The following FAF1 variants were observed in gnomAD, a reference collection of about 807,000 sequenced individuals.
The protein encoded by FAF1 is FAS-associated factor 1.
In FAF1, 25 loss-of-function variants were observed where a neutral mutation model predicts 92.5. That is an observed-to-expected ratio of 0.27 (90% CI 0.20 to 0.38). FAF1 has a LOEUF of 0.38. Ranked by LOEUF, FAF1 falls within the 10% of genes least tolerant of loss-of-function variation. The pLI is 1.00. For synonymous variants in FAF1, 234 were observed against 273.2 expected (o/e 0.86, Z 1.42); for missense variants, 636 against 793.3 (o/e 0.80, Z 2.38).
chr1:50,791,083 A>G (rs1661547001), intron 3 of FAF1, among the ~76,000 whole-genome samples: 1 of 152,198 alleles, frequency 6.6e-6, no homozygotes, highest in Non-Finnish European at 1.5e-5. Flanking sequence ...TACTCCAGTA[A>G]TCACTGATCC....
In FAF1 at chr1:50,530,063, A is replaced by T. The variant is rs975154949; in HGVS notation, c.1494+5306T>A. On this transcript the variant is annotated intron_variant, in intron 15 of 18. Transcript: ENST00000396153. ...AACACAGCCCTTTCTCCTTGAAGTT[A>T]CTTTTAAATATTAGAACTTTTATAA... Among the ~76,000 whole-genome samples, 3 of 152,114 alleles carry T rather than the reference A, an allele frequency of 2.0e-5. No homozygotes were observed. In the East Asian group the frequency reaches 5.8e-4, roughly 29 times the overall value.
chr1:50,729,568 G>A (rs563639502), intron 6 of FAF1, among the ~76,000 whole-genome samples: 4 of 151,392 alleles, frequency 2.6e-5, no homozygotes, highest in South Asian at 2.1e-4. Context: ...CACCATACCC[G>A]GCTAATTACT....
chr1:50,718,034 T>G (rs144909238), intron 6 of FAF1, among the ~76,000 whole-genome samples: 12 of 125,556 alleles, frequency 9.6e-5, no homozygotes, highest in South Asian at 5.0e-4. Flanking sequence ...TTTATTTATT[T>G]ATTGAGACGG....
At chr1:50,796,059 C>CAAA (rs1197014297) in intron 3 of FAF1, among the ~76,000 whole-genome samples, 2 of 147,998 alleles carry the variant, frequency 1.4e-5, no homozygotes, top group Admixed American at 1.3e-4. Flanking sequence ...ACAACAACAA[C>CAAA]AAAAAAAAAC....
intron 2 of FAF1, among the ~76,000 whole-genome samples, chr1:50,821,459 T>C (rs890867798): frequency 6.6e-6 from 1 of 152,200 alleles, no homozygotes; most frequent in East Asian, 1.9e-4. Flanking sequence ...ACCATTCTTA[T>C]TTCCCATGGG....
chr1:50,724,203 G>T (rs1332443238), intron 6 of FAF1, among the ~76,000 whole-genome samples: 1 of 143,322 alleles, frequency 7.0e-6, no homozygotes, highest in African/African-American at 2.6e-5. Context: ...ATGCCACCAC[G>T]CTACAGCCTG....
chr1:50,613,996 C>G (rs1420632111), intron 8 of FAF1, among the ~76,000 whole-genome samples: 1 of 151,892 alleles, frequency 6.6e-6, no homozygotes, highest in African/African-American at 2.4e-5. Flanking sequence ...ACTTGGGAGG[C>G]TGAGGCAGGA....
chr1:50,642,420 G>A (rs1240042564), intron 8 of FAF1, among the ~76,000 whole-genome samples: 2 of 152,150 alleles, frequency 1.3e-5, no homozygotes, highest in African/African-American at 2.4e-5. Context: ...GGAGGCCGAC[G>A]CGGGGGGATC....
intron 14 of FAF1, among the ~76,000 whole-genome samples, chr1:50,535,964 T>C (rs891730932): frequency 3.3e-5 from 5 of 152,180 alleles, no homozygotes; most frequent in African/African-American, 1.2e-4. Flanking sequence ...GCTGGTTAAG[T>C]GGTGAGGCCA....
At chr1:50,510,764 C>A (rs374570336) in intron 15 of FAF1, among the ~76,000 whole-genome samples, 1 of 152,100 alleles carries the variant, frequency 6.6e-6, no homozygotes, top group Non-Finnish European at 1.5e-5. Flanking sequence ...AAAAAGGTTT[C>A]TCTTTTTTTT....
chr1:50,697,944 C>A (rs144662449), intron 7 of FAF1, among the ~76,000 whole-genome samples: 2,957 of 152,228 alleles, frequency 0.019, 38 homozygotes, highest in Non-Finnish European at 0.032. Context: ...AACACTGAGT[C>A]ATACACAAGA....
At chr1:50,495,764 C>T (rs1646890622) in intron 15 of FAF1, among the ~76,000 whole-genome samples, 1 of 152,106 alleles carries the variant, frequency 6.6e-6, no homozygotes, top group Admixed American at 6.6e-5. Flanking sequence ...ACATCCTCTC[C>T]AGCATTTGTT....
chr1:50,572,660 T>C (rs1572842307), intron 12 of FAF1, among the ~76,000 whole-genome samples: 1 of 152,238 alleles, frequency 6.6e-6, no homozygotes, highest in East Asian at 1.9e-4. Context: ...TGCCCTGCTA[T>C]GTGACCTTGG....
intron 1 of FAF1, among the ~76,000 whole-genome samples, chr1:50,928,782 C>CAAAAAAAAAAAAAAAAAAAAAAAA (rs1157426126): frequency 5.0e-5 from 2 of 39,724 alleles, no homozygotes; most frequent in Non-Finnish European, 1.0e-4. Flanking sequence ...GACTCCACCT[C>CAAAAAAAAAAAAAAAAAAAAAAAA]AAAAAAAAAA....
intron 5 of FAF1, 130 bp downstream of exon 5, chr1:50,744,554 A>G (rs901660367): frequency 3.1e-6 from 2 of 645,374 alleles, no homozygotes; most frequent in African/African-American, 3.7e-5. Context: ...CTGATTCCTT[A>G]AACTAAATTA....
chr1:50,721,562 A>C (rs1658413803), intron 6 of FAF1, among the ~76,000 whole-genome samples: 2 of 152,032 alleles, frequency 1.3e-5, no homozygotes, highest in Non-Finnish European at 2.9e-5. Flanking sequence ...TACATATATA[A>C]AGTTTTCAAA....
chr1:50,653,378 G>A (rs148198162), intron 8 of FAF1, among the ~76,000 whole-genome samples: 1 of 152,218 alleles, frequency 6.6e-6, no homozygotes, highest in East Asian at 1.9e-4. Context: ...TTCAGATGGA[G>A]TTTTGCTCTT....
At chr1:50,705,977 A>G (rs1657659052) in intron 6 of FAF1, 86 bp from the exon 7 acceptor site, 2 of 715,832 alleles carry the variant, frequency 2.8e-6, no homozygotes, top group South Asian at 1.7e-5. Context: ...CCCCAGGAGT[A>G]CCCTAACCTC....
intron 2 of FAF1, among the ~76,000 whole-genome samples, chr1:50,831,146 A>T (rs1039300022): frequency 7.2e-5 from 11 of 152,032 alleles, no homozygotes; most frequent in Admixed American, 3.9e-4. Flanking sequence ...TTTTTTTTTT[A>T]AAGTTCCTAA....
Sources: allele counts gnomAD v4.1 joint callset (sites outside exome capture counted in the v4.1 genomes callset), GRCh38; gene constraint gnomAD v4.1.1; transcripts MANE v1.5; gene names NCBI Gene and HGNC (gene_info 2026-07-23, HGNC 2026-07-21).